GRIN2A: variants seen among roughly 807,000 people sequenced by gnomAD.
The protein encoded by GRIN2A is glutamate receptor ionotropic, NMDA 2A.
Under a neutral mutation model 113.4 loss-of-function variants are expected in GRIN2A, and 22 were observed. That is an observed-to-expected ratio of 0.19 (90% confidence interval 0.14 to 0.28). The LOEUF (loss-of-function observed/expected upper bound fraction) is 0.28. GRIN2A is among the 10% of genes least tolerant of loss of function. GRIN2A has a pLI of 1.00. For synonymous variants in GRIN2A, 827 were observed against 738.4 expected, an observed-to-expected ratio of 1.12 and a Z score of -1.94; for missense variants, 1,502 against 1,887.0, an observed-to-expected ratio of 0.80 and a Z score of 3.78.
chr16:9,975,390 G>C (rs1225606255), intron 2 of GRIN2A, among the ~76,000 whole-genome samples: 1 of 152,190 alleles, frequency 6.6e-6, no homozygotes, highest in Non-Finnish European at 1.5e-5. Flanking sequence ...GCTGGAGTCA[G>C]AGAAGTAGCA....
At chr16:10,149,136 C>G (rs149119630) in intron 2 of GRIN2A, among the ~76,000 whole-genome samples, 1 of 152,010 alleles carries the variant, frequency 6.6e-6, no homozygotes, top group African/African-American at 2.4e-5. Flanking sequence ...ATAGAAAGAA[C>G]GAATAAGATA....
intron 2 of GRIN2A, among the ~76,000 whole-genome samples, chr16:10,001,459 G>T (rs934286874): frequency 6.6e-6 from 1 of 152,184 alleles, no homozygotes; most frequent in African/African-American, 2.4e-5. Context: ...GTAGACCAAT[G>T]ATGTCATCAA....
At chr16:10,009,426 A>T (rs1406837696) in intron 2 of GRIN2A, among the ~76,000 whole-genome samples, 2 of 152,168 alleles carry the variant, frequency 1.3e-5, no homozygotes, top group East Asian at 1.9e-4. Flanking sequence ...TCAATGCAAA[A>T]GTAGGCAGGT....
At chr16:9,855,872 T>A (rs545548214) in intron 4 of GRIN2A, among the ~76,000 whole-genome samples, 278 of 152,272 alleles carry the variant, frequency 1.8e-3, no homozygotes, top group African/African-American at 5.3e-3. Flanking sequence ...AGAGCCCTCT[T>A]GGATAGTAAT....
At chr16:9,957,510 A>C (rs147112950) in intron 2 of GRIN2A, among the ~76,000 whole-genome samples, 1 of 152,318 alleles carries the variant, frequency 6.6e-6, no homozygotes, top group African/African-American at 2.4e-5. Flanking sequence ...TTTGAAAGAC[A>C]TTACCAGTAA....
intron 3 of GRIN2A, among the ~76,000 whole-genome samples, chr16:9,893,648 G>C (rs144863664): frequency 0.012 from 1,838 of 152,118 alleles, 56 homozygotes; most frequent in African/African-American, 0.043. Context: ...TGTATTTTTA[G>C]TAGATACAGG....
chr16:9,799,970 TTATTATTA>T (rs1419857975), intron 10 of GRIN2A, among the ~76,000 whole-genome samples: 27 of 67,446 alleles, frequency 4.0e-4, no homozygotes, highest in African/African-American at 1.8e-3. Flanking sequence ...CTAAATATTA[TTATTATTA>T]TTATTATTAT....
intron 7 of GRIN2A, among the ~76,000 whole-genome samples, chr16:9,838,898 A>G (rs1030967057): frequency 6.6e-6 from 1 of 152,168 alleles, no homozygotes; most frequent in African/African-American, 2.4e-5. Context: ...TGGACACTGG[A>G]GACTCAGAAA....
intron 4 of GRIN2A, among the ~76,000 whole-genome samples, chr16:9,876,218 G>A (rs1296453368): frequency 6.6e-6 from 1 of 152,182 alleles, no homozygotes; most frequent in Non-Finnish European, 1.5e-5. Flanking sequence ...TCTGGAATGT[G>A]CACAGACTTG....
At chr16:10,018,599 C>T (rs1215335561) in intron 2 of GRIN2A, among the ~76,000 whole-genome samples, 1 of 152,112 alleles carries the variant, frequency 6.6e-6, no homozygotes, top group African/African-American at 2.4e-5. Flanking sequence ...GAGGGGTGAA[C>T]CTCTGGTCCA....
intron 2 of GRIN2A, among the ~76,000 whole-genome samples, chr16:9,997,987 T>C (rs1369357480): frequency 6.6e-6 from 1 of 152,220 alleles, no homozygotes; most frequent in Non-Finnish European, 1.5e-5. Context: ...CATAGCAGTA[T>C]GAAAATAGAC....
intron 2 of GRIN2A, among the ~76,000 whole-genome samples, chr16:10,105,820 T>A (rs2048488715): frequency 6.6e-6 from 1 of 152,176 alleles, no homozygotes; most frequent in African/African-American, 2.4e-5. Flanking sequence ...GGCAGGAGAA[T>A]GGCTTGAACC....
intron 2 of GRIN2A, among the ~76,000 whole-genome samples, chr16:10,089,591 G>C (rs1260120401): frequency 6.6e-6 from 1 of 152,120 alleles, no homozygotes; most frequent in Non-Finnish European, 1.5e-5. Context: ...TGGGGTATGT[G>C]TGCTTCTTTC....
chr16:9,869,860 GAAGGTATTTAGTC>G (rs1244908763), intron 4 of GRIN2A, among the ~76,000 whole-genome samples: 4 of 152,228 alleles, frequency 2.6e-5, no homozygotes, highest in Non-Finnish European at 4.4e-5. Context: ...CTGGCCCACA[GAAGGTATTTAGTC>G]AAGGTTCCTT....
At chr16:9,957,032 A>G (rs1327524208) in intron 2 of GRIN2A, among the ~76,000 whole-genome samples, 2 of 152,314 alleles carry the variant, frequency 1.3e-5, no homozygotes, top group East Asian at 3.9e-4. Flanking sequence ...ATCTTTTCAC[A>G]GTTTCTATCT....
intron 4 of GRIN2A, among the ~76,000 whole-genome samples, chr16:9,876,337 A>C (rs1032008445): frequency 6.6e-6 from 1 of 152,286 alleles, no homozygotes; most frequent in East Asian, 1.9e-4. Flanking sequence ...CATCACAGCT[A>C]TGCTTGATGC....
At position 10,036,283 on chromosome 16, in the gene GRIN2A, G is replaced by C. The variant is rs190575394; in HGVS notation, c.415-97732C>G. On this transcript the variant is annotated intron_variant, in intron 2 of 12. Transcript: ENST00000330684. The stretch of plus-strand genomic sequence containing the variant: ...ATTTTTTTCTCTCATAGTTCTGGAG[G>C]CTGAAAGTGTAAGATCAAGGTGTCG... 4.6e-5 allele frequency among the ~76,000 whole-genome samples: 7 copies of C among 152,044 alleles called. No homozygotes were observed. The East Asian group carries it at 1.4e-3, about 29-fold the overall frequency.
At chr16:10,067,739 C>A (rs1485881018) in intron 2 of GRIN2A, among the ~76,000 whole-genome samples, 1 of 152,072 alleles carries the variant, frequency 6.6e-6, no homozygotes, top group East Asian at 1.9e-4. Context: ...CACATTCCCA[C>A]CCCCACCCCA....
chr16:9,851,070 C>T (rs1476194440), intron 4 of GRIN2A, among the ~76,000 whole-genome samples: 1 of 152,154 alleles, frequency 6.6e-6, no homozygotes, highest in Non-Finnish European at 1.5e-5. Context: ...CTCACCTCTC[C>T]TCCTGTAATG....
Sources: allele counts gnomAD v4.1 joint callset (sites outside exome capture counted in the v4.1 genomes callset), GRCh38; gene constraint gnomAD v4.1.1; transcripts MANE v1.5; gene names NCBI Gene and HGNC (gene_info 2026-07-23, HGNC 2026-07-21).